The following ZFPM2 variants were observed in gnomAD, a reference collection of about 807,000 sequenced individuals.
The protein encoded by ZFPM2 is zinc finger protein ZFPM2.
Under a neutral mutation model 98.6 loss-of-function variants are expected in ZFPM2, and 20 were observed. That is an observed-to-expected ratio of 0.20 (90% CI 0.14 to 0.29). The LOEUF is 0.29. Ranked by LOEUF, ZFPM2 falls within the 10% of genes least tolerant of loss-of-function variation. The pLI, the probability that ZFPM2 is intolerant of heterozygous loss-of-function variation, is 1.00. For missense variants in ZFPM2, 1,310 were observed against 1,388.6 expected (o/e 0.94, Z 0.90); for synonymous variants, 518 against 502.7 (o/e 1.03, Z -0.41).
Position 105,554,643 on chromosome 8 carries a change from T to G in ZFPM2, c.302-6720T>G, listed in dbSNP as rs116490583. On this transcript the variant is annotated intron_variant, in intron 3 of 7. Transcript: ENST00000407775. ...ATTTGGTTGTATATTTAAAACCAAG[T>G]TCAAACCAATCCGAATTGTATTTTC... Among the ~76,000 whole-genome samples, 507 of 152,318 alleles carry G rather than the reference T, an allele frequency of 3.3e-3. 2 individuals are homozygous for G. The highest frequency in any genetic ancestry group is 0.012 in the African/African-American group (480 of 41,582).
intron 5 of ZFPM2, among the ~76,000 whole-genome samples, chr8:105,734,582 G>A (rs1288753167): frequency 6.6e-6 from 1 of 151,950 alleles, no homozygotes; most frequent in Non-Finnish European, 1.5e-5. Context: ...TTTACAGTCT[G>A]TACTGGCTTA....
chr8:105,749,633 G>A (rs1382871098), intron 5 of ZFPM2, among the ~76,000 whole-genome samples: 1 of 151,884 alleles, frequency 6.6e-6, no homozygotes, highest in Non-Finnish European at 1.5e-5. Flanking sequence ...CCAAATGACT[G>A]TTAGGTCATA....
intron 3 of ZFPM2, among the ~76,000 whole-genome samples, chr8:105,523,118 A>G (rs1174825825): frequency 3.9e-5 from 6 of 152,332 alleles, no homozygotes; most frequent in African/African-American, 1.4e-4. Flanking sequence ...TACCTGTCTT[A>G]CATATTTTTT....
chr8:105,448,523 T>A (rs1812422518), intron 3 of ZFPM2, among the ~76,000 whole-genome samples: 1 of 152,032 alleles, frequency 6.6e-6, no homozygotes, highest in Non-Finnish European at 1.5e-5. Context: ...ATTCTCATTT[T>A]TTTGATGTCA....
At chr8:105,401,027 G>T (rs1403723585) in intron 1 of ZFPM2, among the ~76,000 whole-genome samples, 1 of 151,680 alleles carries the variant, frequency 6.6e-6, no homozygotes, top group Non-Finnish European at 1.5e-5. Context: ...ATTTACTTTG[G>T]GGATTATTGG....
At chr8:105,751,917 T>C (rs752359798) in intron 5 of ZFPM2, among the ~76,000 whole-genome samples, 15 of 152,248 alleles carry the variant, frequency 9.9e-5, no homozygotes, top group Non-Finnish European at 1.6e-4. Flanking sequence ...TTCAGAATTA[T>C]GCAAAAGATG....
intron 5 of ZFPM2, among the ~76,000 whole-genome samples, chr8:105,771,075 A>G (rs893839151): frequency 6.6e-6 from 1 of 152,184 alleles, no homozygotes; most frequent in Non-Finnish European, 1.5e-5. Context: ...TTGAAGTAAC[A>G]GTCATAATTT....
intron 1 of ZFPM2, among the ~76,000 whole-genome samples, chr8:105,343,200 C>T (rs1029600646): frequency 6.6e-6 from 1 of 152,036 alleles, no homozygotes; most frequent in Non-Finnish European, 1.5e-5. Context: ...ACTTTATTTG[C>T]TGCTAAAATG....
At position 105,444,380 on chromosome 8, in the gene ZFPM2, A is replaced by T; in HGVS notation, c.300A>T (p.Pro100=). Reference sequence around the variant, plus strand: ...TTGAGACAGACGACTGGGATGGACCAGGTAGGGGAGAATATTTAAAATTCA... The same window carrying T: ...TTGAGACAGACGACTGGGATGGACCTGGTAGGGGAGAATATTTAAAATTCA... ...PGVETDDWDG[P]GELEVFQKDG... The change falls in exon 3 of 8, where the codon CCA becomes CCT. Residue 100 remains proline (P), a splice_region_variant and synonymous_variant. Coordinates refer to ENST00000407775, the MANE Select transcript of ZFPM2 (RefSeq NM_012082.4). 6.2e-7 allele frequency: 1 copy of T among 1,606,122 alleles called. No homozygotes were observed.
chr8:105,638,668 T>C (rs934710691), intron 5 of ZFPM2, among the ~76,000 whole-genome samples: 1 of 152,048 alleles, frequency 6.6e-6, no homozygotes, highest in Non-Finnish European at 1.5e-5. Context: ...GGTGTGAAAA[T>C]AGGCCCATTT....
At chr8:105,629,531 AAAC>A (rs1235198754) in intron 4 of ZFPM2, among the ~76,000 whole-genome samples, 7 of 152,218 alleles carry the variant, frequency 4.6e-5, no homozygotes, top group African/African-American at 1.2e-4. Flanking sequence ...TGAGGGCTTA[AAAC>A]AACAGAAATT....
At chr8:105,429,270 C>G (rs764327742) in intron 2 of ZFPM2, among the ~76,000 whole-genome samples, 4 of 151,802 alleles carry the variant, frequency 2.6e-5, no homozygotes, top group Non-Finnish European at 4.4e-5. Flanking sequence ...ATACTGAGAA[C>G]CTATGTTACC....
rs1232120152 is a variant in ZFPM2, at chr8:105,658,512, CCA to C, written c.532+24156_532+24157del. Among the ~76,000 whole-genome samples the C allele has an allele frequency of 8.4e-5, 4 of 47,598 alleles. 1 individual carries two copies. The highest frequency in any genetic ancestry group is 2.0e-4 in the African/African-American group (2 of 9,794). 31.2% of individuals were successfully genotyped at this position (47,598 alleles called of 152,430 possible). ...CTGAGGCAGGAGAATGGCGTGAACC[CCA>C]GGGGGCGGAGCCTGCAGTGAGCCGA... is the stretch of plus-strand genomic sequence containing the variant. On this transcript the variant is annotated intron_variant, in intron 5 of 7. Coordinates refer to ENST00000407775, the MANE Select transcript of ZFPM2 (RefSeq NM_012082.4).
Position 105,336,700 on chromosome 8 carries a change from A to T in ZFPM2, c.40+17719A>T, listed in dbSNP as rs1332939473. ...AATGTAATATACTCCACACACACAC[A>T]CACACACACACACACACACACACAC... On this transcript the variant is annotated intron_variant, in intron 1 of 7. Transcript: ENST00000407775. 1.0e-3 allele frequency among the ~76,000 whole-genome samples: 156 copies of T among 149,876 alleles called. 2 individuals carry two copies. Among genetic ancestry groups the T allele is most frequent in the African/African-American group, 3.7e-3 (150 of 40,892 alleles).
chr8:105,374,440 C>T (rs892739626), intron 1 of ZFPM2, among the ~76,000 whole-genome samples: 5 of 150,932 alleles, frequency 3.3e-5, no homozygotes, highest in African/African-American at 1.2e-4. Context: ...CTTGCTATTT[C>T]TCCCAGGCTG....
intron 6 of ZFPM2, among the ~76,000 whole-genome samples, chr8:105,797,820 T>G (rs1175102745): frequency 6.6e-6 from 1 of 152,218 alleles, no homozygotes; most frequent in Non-Finnish European, 1.5e-5. Flanking sequence ...ACTCCTGCCA[T>G]CAGCCTCTTT....
intron 5 of ZFPM2, among the ~76,000 whole-genome samples, chr8:105,676,752 A>G (rs1810480263): frequency 6.6e-6 from 1 of 152,030 alleles, no homozygotes; most frequent in Non-Finnish European, 1.5e-5. Context: ...AATAAAGGGA[A>G]ATTTCATGCT....
At chr8:105,798,592 CTG>C in intron 6 of ZFPM2, 130 bp from the exon 7 acceptor site, 1 of 697,734 alleles carries the variant, frequency 1.4e-6, no homozygotes, top group Non-Finnish European at 2.4e-6. Context: ...ACACCAAAGA[CTG>C]TTACTCATCT....
intron 5 of ZFPM2, among the ~76,000 whole-genome samples, chr8:105,786,381 T>C (rs1813417817): frequency 6.6e-6 from 1 of 152,222 alleles, no homozygotes; most frequent in Non-Finnish European, 1.5e-5. Flanking sequence ...TGTATTCTAA[T>C]TGTAGAGCTG....
Sources: allele counts gnomAD v4.1 joint callset (sites outside exome capture counted in the v4.1 genomes callset), GRCh38; gene constraint gnomAD v4.1.1; transcripts MANE v1.5; gene names NCBI Gene and HGNC (gene_info 2026-07-23, HGNC 2026-07-21).